ATRN: variants seen among roughly 807,000 people sequenced by gnomAD.
The protein encoded by ATRN is attractin.
In ATRN, 54 loss-of-function variants were observed where a neutral mutation model predicts 178.7. The observed-to-expected ratio is 0.30, with a 90% CI of 0.24 to 0.38. The LOEUF is 0.38. ATRN is among the 10% of genes least tolerant of loss of function. ATRN has a pLI of 1.00. For missense variants in ATRN, 1,443 were observed against 1,815.1 expected (o/e 0.79, Z 3.73); for synonymous variants, 636 against 663.0 (o/e 0.96, Z 0.63).
At chr20:3,471,676 C>T (rs1342688612) in intron 1 of ATRN, among the ~76,000 whole-genome samples, 159 bp downstream of exon 1, 1 of 152,122 alleles carries the variant, frequency 6.6e-6, no homozygotes, top group Non-Finnish European at 1.5e-5. Context: ...GGGAGATCAT[C>T]GTCTCTGGCC....
At chr20:3,473,009 G>A (rs2084454337) in intron 1 of ATRN, among the ~76,000 whole-genome samples, 1 of 152,180 alleles carries the variant, frequency 6.6e-6, no homozygotes, top group South Asian at 2.1e-4. Context: ...TTTTATGGAT[G>A]GAGAAACCAA....
At chr20:3,493,438 G>C (rs2084835527) in intron 1 of ATRN, among the ~76,000 whole-genome samples, 1 of 151,760 alleles carries the variant, frequency 6.6e-6, no homozygotes. Context: ...TGGGATTACA[G>C]GTGTGAGTCA....
intron 12 of ATRN, 97 bp downstream of exon 12, chr20:3,573,048 A>G (rs776395598): frequency 9.2e-7 from 1 of 1,086,030 alleles, no homozygotes; most frequent in African/African-American, 1.6e-5. Context: ...TTTTATGTTT[A>G]CCTTATCCAA....
At chr20:3,561,006 C>T (rs1010619505) in intron 8 of ATRN, 101 bp downstream of exon 8, 21 of 1,390,444 alleles carry the variant, frequency 1.5e-5, no homozygotes, top group Admixed American at 7.7e-5. Context: ...AATCTTGATT[C>T]GGTACTTTAT....
In ATRN at chr20:3,473,256, G is replaced by A. The variant is rs570667423; in HGVS notation, c.410+1739G>A. Among the ~76,000 whole-genome samples, 17 of 152,302 alleles carry A rather than the reference G, an allele frequency of 1.1e-4. No homozygotes were observed. In the South Asian group the frequency reaches 3.5e-3, roughly 32 times the overall value. On this transcript the variant is annotated intron_variant, in intron 1 of 28. Transcript: ENST00000262919. ...TTGTTTAAGGCTGTGGAGGTAAAGA[G>A]CAGGAGACAAACAGAGGACTTGACT... is the stretch of plus-strand genomic sequence containing the variant.
intron 1 of ATRN, among the ~76,000 whole-genome samples, chr20:3,485,372 T>C (rs1300815671): frequency 1.3e-5 from 2 of 152,112 alleles, no homozygotes; most frequent in Admixed American, 1.3e-4. Flanking sequence ...ATGTAGGACA[T>C]TGTTGAATGG....
chr20:3,499,923 G>A (rs1015256466), intron 1 of ATRN, among the ~76,000 whole-genome samples: 2 of 151,090 alleles, frequency 1.3e-5, no homozygotes, highest in Non-Finnish European at 3.0e-5. Flanking sequence ...GAAAATTTTT[G>A]CAACCTACTC....
chr20:3,551,578 T>G (rs2085787382), intron 6 of ATRN, among the ~76,000 whole-genome samples: 1 of 152,184 alleles, frequency 6.6e-6, no homozygotes, highest in South Asian at 2.1e-4. Context: ...TTTTCAATCT[T>G]TTCAGATATT....
chr20:3,483,248 GTTAATA>G (rs901745317), intron 1 of ATRN, among the ~76,000 whole-genome samples: 2 of 152,168 alleles, frequency 1.3e-5, no homozygotes, highest in African/African-American at 2.4e-5. Flanking sequence ...TGGATTCATA[GTTAATA>G]TTAATTACAG....
chr20:3,512,107 A>ATATATATATATATATATATTT, intron 1 of ATRN, among the ~76,000 whole-genome samples: 25 of 106,350 alleles, frequency 2.4e-4, no homozygotes, highest in Non-Finnish European at 3.8e-4. Context: ...ATATATATAT[A>ATATATATATATATATATATTT]TTTTTTTTTT....
Position 3,490,734 on chromosome 20 carries a change from T to C in ATRN, c.410+19217T>C, listed in dbSNP as rs140156555. On this transcript the variant is annotated intron_variant, in intron 1 of 28. Transcript: ENST00000262919. ...ACAGATCTCATTTGGGTGCTTCTGG[T>C]GGAATTCCTTTATTTACTCGAGTCT... 6.3e-6 allele frequency: 5 copies of C among 793,412 alleles called. No individual in the cohort carries two copies. In the African/African-American group the frequency reaches 6.7e-5, roughly 11 times the overall value. 49.1% of individuals were successfully genotyped at this position (793,412 alleles called of 1,614,324 possible).
At chr20:3,519,754 A>T (rs1367186002) in intron 1 of ATRN, among the ~76,000 whole-genome samples, 1 of 152,068 alleles carries the variant, frequency 6.6e-6, no homozygotes, top group Non-Finnish European at 1.5e-5. Context: ...AAAAGAAAAG[A>T]AAAAGGAAAC....
rs1452836127 is a variant in ATRN, at chr20:3,604,098, T to C, written c.3644-7T>C. 3 of 1,569,106 alleles carry C rather than the reference T, an allele frequency of 1.9e-6. No individual in the cohort carries two copies. The highest frequency in any genetic ancestry group is 2.6e-6 in the Non-Finnish European group (3 of 1,164,456). Reference sequence around the variant, plus strand: ...GTCTCTTCTCTTTCATGTTTTTCTTTTAACAGCTGGAACCCAGGCTGGAGA... The same window carrying C: ...GTCTCTTCTCTTTCATGTTTTTCTTCTAACAGCTGGAACCCAGGCTGGAGA... On this transcript the variant is annotated splice_region_variant and splice_polypyrimidine_tract_variant and intron_variant, in intron 23 of 28. Transcript: ENST00000262919.
chr20:3,482,957 C>T (rs752751266), intron 1 of ATRN, among the ~76,000 whole-genome samples: 4 of 152,082 alleles, frequency 2.6e-5, no homozygotes, highest in Non-Finnish European at 4.4e-5. Context: ...TCTGAATTTT[C>T]TTCATATTAA....
chr20:3,601,056 T>A (rs2086601241), intron 23 of ATRN, 32 bp downstream of exon 23: 1 of 1,552,334 alleles, frequency 6.4e-7, no homozygotes, highest in African/African-American at 1.4e-5. Context: ...ACCCCGCAAA[T>A]GAAGGTGTGG....
chr20:3,585,844 C>T (rs1302232157), intron 18 of ATRN, among the ~76,000 whole-genome samples: 1 of 152,114 alleles, frequency 6.6e-6, no homozygotes, highest in Admixed American at 6.5e-5. Context: ...AAAAGATACT[C>T]AATATCATTC....
intron 18 of ATRN, among the ~76,000 whole-genome samples, chr20:3,590,386 T>G (rs575091143): frequency 6.6e-6 from 1 of 152,226 alleles, no homozygotes; most frequent in African/African-American, 2.4e-5. Flanking sequence ...AGATTTTGCT[T>G]ACAGTGCAGG....
chr20:3,608,105 T>C (rs1373819295), intron 24 of ATRN, among the ~76,000 whole-genome samples: 1 of 152,226 alleles, frequency 6.6e-6, no homozygotes, highest in African/African-American at 2.4e-5. Flanking sequence ...TATATTCTGG[T>C]TATAAATCCC....
In ATRN at chr20:3,496,813, G is replaced by T. The variant is rs151561; in HGVS notation, c.410+25296G>T. 7.3e-5 allele frequency among the ~76,000 whole-genome samples: 11 copies of T among 149,808 alleles called. No individual in the cohort carries two copies. The East Asian group carries it at 2.1e-3, about 29-fold the overall frequency. ...GGGAGTCTAAGTCTCTTTGTAGGTCGCTCAGGACTTGCTTTATGAATCTGG... is the reference window on the plus strand; with the variant it reads ...GGGAGTCTAAGTCTCTTTGTAGGTCTCTCAGGACTTGCTTTATGAATCTGG... On this transcript the variant is annotated intron_variant, in intron 1 of 28. Transcript: ENST00000262919.
Sources: allele counts gnomAD v4.1 joint callset (sites outside exome capture counted in the v4.1 genomes callset), GRCh38; gene constraint gnomAD v4.1.1; transcripts MANE v1.5; gene names NCBI Gene and HGNC (gene_info 2026-07-23, HGNC 2026-07-21).